The following EPM2A variants were observed in gnomAD, a reference collection of about 807,000 sequenced individuals.
EPM2A encodes EPM2A glucan phosphatase, laforin, also known as laforin.
In EPM2A, 21 loss-of-function variants were observed where a neutral mutation model predicts 26.5. The observed-to-expected ratio is 0.79, with a 90% confidence interval of 0.56 to 1.14. The LOEUF is 1.14. Ranked by LOEUF, EPM2A falls within the 50% of genes most tolerant of loss-of-function variation. The pLI, the probability that EPM2A is intolerant of heterozygous loss-of-function variation, is 0.00. For missense variants in EPM2A, 458 were observed against 440.8 expected, an observed-to-expected ratio of 1.04 and a Z score of -0.35; for synonymous variants, 217 against 177.6, an observed-to-expected ratio of 1.22 and a Z score of -1.76.
At chr6:145,437,866 G>C (rs1052043187) in intron 4 of EPM2A, among the ~76,000 whole-genome samples, 1 of 152,140 alleles carries the variant, frequency 6.6e-6, no homozygotes, top group African/African-American at 2.4e-5. Context: ...GCTCTTACCT[G>C]TTTAGGTTAC....
intron 2 of EPM2A, among the ~76,000 whole-genome samples, chr6:145,545,877 C>T (rs1399429659): frequency 2.0e-5 from 3 of 152,088 alleles, no homozygotes; most frequent in South Asian, 2.1e-4. Context: ...TTTTTCTTCG[C>T]GTACACTTAG....
chr6:145,691,909 G>A (rs1357488703), intron 1 of EPM2A, among the ~76,000 whole-genome samples: 1 of 151,882 alleles, frequency 6.6e-6, no homozygotes, highest in Non-Finnish European at 1.5e-5. Flanking sequence ...ATGTTAAATA[G>A]TCTAAATACA....
chr6:145,520,136 T>C (rs1361029868), intron 2 of EPM2A, among the ~76,000 whole-genome samples: 1 of 152,194 alleles, frequency 6.6e-6, no homozygotes. Context: ...TCATGGCTCA[T>C]CCATCTTTTG....
At position 145,503,724 on chromosome 6, in the gene EPM2A, A is replaced by G. The variant is rs1779929602; in HGVS notation, c.341-1149T>C. Among the ~76,000 whole-genome samples, 4 of 83,006 alleles carry G rather than the reference A, an allele frequency of 4.8e-5. 1 individual carries two copies. Among genetic ancestry groups the G allele is most frequent in the Admixed American group, 4.8e-4 (4 of 8,420 alleles). The allele number at this position is 83,006 out of a possible 152,430, so 54.5% of individuals were successfully genotyped here. A position where few individuals can be genotyped will look rare whatever the true frequency, so the allele number is the denominator to read the frequency against. On this transcript the variant is annotated intron_variant, in intron 2 of 3. Coordinates refer to the EPM2A transcript ENST00000450221. ...CATCAAGCTACCAATGACTTTCTTC[A>G]CAGAATTGGAAAAAACTACTTTAAA...
rs76215068 is a variant in EPM2A at position 145,455,200 on chromosome 6, C to A, written c.555+47322G>T. Among the ~76,000 whole-genome samples the A allele has an allele frequency of 3.1e-3, 467 of 151,636 alleles. 9 individuals carry two copies. The East Asian group carries it at 0.054, about 17-fold the overall frequency. On this transcript the variant is annotated intron_variant, in intron 4 of 4. Coordinates refer to the EPM2A transcript ENST00000638717. ...TATAGAGGTATAATTTAAGTGTATT[C>A]CCCTCAAAATCAATATATATTAAAT...
intron 2 of EPM2A, among the ~76,000 whole-genome samples, chr6:145,642,385 T>C (rs1370280856): frequency 2.6e-5 from 4 of 152,182 alleles, no homozygotes; most frequent in Non-Finnish European, 4.4e-5. Flanking sequence ...AAAAATTAAA[T>C]ACGTGACTTT....
chr6:145,429,710 G>A (rs1249696294), intron 4 of EPM2A, among the ~76,000 whole-genome samples: 1 of 152,148 alleles, frequency 6.6e-6, no homozygotes, highest in East Asian at 1.9e-4. Flanking sequence ...ATCTCTTATA[G>A]AAATTGTTGA....
At chr6:145,686,698 G>T in intron 1 of EPM2A, 1 of 188,840 alleles carries the variant, frequency 5.3e-6, no homozygotes, top group Non-Finnish European at 1.1e-5. Context: ...AATAAAATCA[G>T]GAATAAAGTG....
In EPM2A at chr6:145,690,972, G is replaced by T. The variant is rs978516946; in HGVS notation, c.302-4676C>A. 5.5e-5 allele frequency among the ~76,000 whole-genome samples: 8 copies of T among 146,260 alleles called. No individual in the cohort carries two copies. In the East Asian group the frequency reaches 1.0e-3, roughly 18 times the overall value. On this transcript the variant is annotated intron_variant, in intron 1 of 3. Coordinates refer to ENST00000367519, the MANE Select transcript of EPM2A (RefSeq NM_005670.4). ...ACAGCAAACAACAGAAAAGTAGGCT[G>T]AATTAAAAAAAAAAAAAACAGACAC...
intron 4 of EPM2A, among the ~76,000 whole-genome samples, chr6:145,422,307 A>ATG (rs1778800034): frequency 6.8e-6 from 1 of 147,290 alleles, no homozygotes; most frequent in African/African-American, 2.5e-5. Flanking sequence ...ATAAATATAT[A>ATG]TATTTTTGTG....
intron 1 of EPM2A, among the ~76,000 whole-genome samples, chr6:145,733,788 T>C (rs1409812813): frequency 2.0e-5 from 3 of 152,204 alleles, no homozygotes; most frequent in East Asian, 1.9e-4. Flanking sequence ...AAGGATAATA[T>C]ATAAACACAT....
At chr6:145,700,531 C>T (rs978511572) in intron 1 of EPM2A, among the ~76,000 whole-genome samples, 127 of 152,072 alleles carry the variant, frequency 8.4e-4, no homozygotes, top group Non-Finnish European at 1.6e-4. Context: ...TACTTCATTT[C>T]GTATACCTTA....
At chr6:145,667,970 C>G (rs1240743950) in intron 2 of EPM2A, among the ~76,000 whole-genome samples, 3 of 144,084 alleles carry the variant, frequency 2.1e-5, no homozygotes, top group Non-Finnish European at 4.5e-5. Flanking sequence ...ACAATGAGAT[C>G]ACATGGACAC....
chr6:145,637,292 T>C (rs1441655943), intron 2 of EPM2A: 2 of 152,174 alleles, frequency 1.3e-5, no homozygotes, highest in Non-Finnish European at 2.9e-5. Flanking sequence ...AAAGCTAGCT[T>C]TTTTTGTTTT....
intron 2 of EPM2A, among the ~76,000 whole-genome samples, chr6:145,665,311 AT>A (rs1385291222): frequency 1.8e-5 from 1 of 55,196 alleles, no homozygotes; most frequent in Non-Finnish European, 3.3e-5. Context: ...AATAGACACA[AT>A]AAAAAATGAT....
At chr6:145,686,571 T>G (rs1387277386) in intron 1 of EPM2A, among the ~76,000 whole-genome samples, 2 of 152,146 alleles carry the variant, frequency 1.3e-5, no homozygotes, top group Non-Finnish European at 2.9e-5. Context: ...TACCTCTCAG[T>G]GCTCTAAGAG....
chr6:145,415,162 G>A (rs1778691220), intron 4 of EPM2A, among the ~76,000 whole-genome samples: 1 of 152,152 alleles, frequency 6.6e-6, no homozygotes, highest in Admixed American at 6.5e-5. Flanking sequence ...GGAAAGTTAG[G>A]GTTTGCCTTC....
intron 4 of EPM2A, among the ~76,000 whole-genome samples, chr6:145,457,157 C>A (rs1779271806): frequency 6.6e-6 from 1 of 152,050 alleles, no homozygotes; most frequent in South Asian, 2.1e-4. Context: ...AATTAATTTG[C>A]CCAAAGTTTT....
At chr6:145,556,484 G>A (rs185356637) in intron 2 of EPM2A, among the ~76,000 whole-genome samples, 4 of 152,226 alleles carry the variant, frequency 2.6e-5, no homozygotes, top group Non-Finnish European at 1.5e-5. Flanking sequence ...TAATAAGGGA[G>A]TATTTAGAAG....
Sources: gnomAD v4.1 joint callset for allele counts (sites outside exome capture counted in the v4.1 genomes callset) on GRCh38, gnomAD v4.1.1 for gene constraint, MANE v1.5 for transcripts, NCBI Gene and HGNC (gene_info 2026-07-23, HGNC 2026-07-21) for gene names.